PTPRK: variants seen among roughly 807,000 people sequenced by gnomAD.
The protein encoded by PTPRK is protein tyrosine phosphatase receptor type K, also known as receptor-type tyrosine-protein phosphatase kappa.
A neutral mutation model predicts 178.0 loss-of-function variants in PTPRK; 75 were observed. That is an observed-to-expected ratio of 0.42 (90% CI 0.35 to 0.51). The LOEUF is 0.51. Ranked by LOEUF, PTPRK falls within the 20% of genes least tolerant of loss-of-function variation. The pLI is 0.02. For synonymous variants in PTPRK, 637 were observed against 620.6 expected (o/e 1.03, Z -0.39); for missense variants, 1,441 against 1,797.8 (o/e 0.80, Z 3.59).
At chr6:128,038,857 T>C (rs947637404) in intron 13 of PTPRK, among the ~76,000 whole-genome samples, 1 of 152,174 alleles carries the variant, frequency 6.6e-6, no homozygotes, top group Non-Finnish European at 1.5e-5. Flanking sequence ...ATGCAACAAT[T>C]TTACAACAAG....
intron 13 of PTPRK, among the ~76,000 whole-genome samples, chr6:128,025,623 G>A (rs941235400): frequency 2.6e-5 from 4 of 152,148 alleles, no homozygotes; most frequent in Admixed American, 6.5e-5. Flanking sequence ...ACAGTTCTGG[G>A]AACTAGAGGG....
intron 1 of PTPRK, among the ~76,000 whole-genome samples, chr6:128,435,664 T>C (rs1431694062): frequency 6.6e-6 from 1 of 152,128 alleles, no homozygotes; most frequent in Non-Finnish European, 1.5e-5. Context: ...AGAGAAATGC[T>C]AACCCAAAGA....
chr6:128,209,182 G>A (rs1807602828), intron 6 of PTPRK, among the ~76,000 whole-genome samples: 2 of 151,766 alleles, frequency 1.3e-5, no homozygotes, highest in South Asian at 2.1e-4. Context: ...ACATCATCTG[G>A]TATCCTGGTT....
At chr6:128,431,090 C>G (rs548640136) in intron 1 of PTPRK, among the ~76,000 whole-genome samples, 2 of 151,980 alleles carry the variant, frequency 1.3e-5, no homozygotes, top group Non-Finnish European at 2.9e-5. Context: ...AGGCACCCAC[C>G]ACCATGCCCG....
intron 1 of PTPRK, among the ~76,000 whole-genome samples, chr6:128,481,862 T>C (rs948606060): frequency 1.3e-5 from 2 of 152,070 alleles, no homozygotes; most frequent in Non-Finnish European, 2.9e-5. Flanking sequence ...CAGGACTACA[T>C]AGACAACATT....
chr6:128,083,872 C>A, intron 8 of PTPRK, 48 bp from the exon 9 acceptor site: 4 of 1,018,452 alleles, frequency 3.9e-6, no homozygotes, highest in South Asian at 2.0e-5. Context: ...ACATTAGAAA[C>A]AGAAAAAGTA....
At chr6:128,258,273 T>C (rs1817646962) in intron 3 of PTPRK, among the ~76,000 whole-genome samples, 1 of 152,136 alleles carries the variant, frequency 6.6e-6, no homozygotes, top group Admixed American at 6.6e-5. Context: ...GACCAAAATA[T>C]AATGTTAAAT....
intron 2 of PTPRK, among the ~76,000 whole-genome samples, chr6:128,390,182 T>C (rs1239324286): frequency 2.0e-5 from 3 of 152,174 alleles, no homozygotes; most frequent in African/African-American, 7.2e-5. Flanking sequence ...TTTCAAACCC[T>C]AGACTTTAGT....
intron 7 of PTPRK, among the ~76,000 whole-genome samples, chr6:128,143,778 AT>A (rs1029822421): frequency 6.6e-6 from 1 of 152,046 alleles, no homozygotes; most frequent in African/African-American, 2.4e-5. Context: ...ACTCTCAGCT[AT>A]TTTTTCCCCT....
chr6:128,515,319 A>G (rs1857809816), intron 1 of PTPRK, among the ~76,000 whole-genome samples: 1 of 152,222 alleles, frequency 6.6e-6, no homozygotes, highest in Admixed American at 6.5e-5. Flanking sequence ...TTAATGTATT[A>G]TTCACTTACT....
chr6:128,461,480 TG>T (rs1425369423), intron 1 of PTPRK, among the ~76,000 whole-genome samples: 1 of 152,146 alleles, frequency 6.6e-6, no homozygotes, highest in Non-Finnish European at 1.5e-5. Context: ...CACATTGACC[TG>T]TTTTTTTTTC....
intron 7 of PTPRK, among the ~76,000 whole-genome samples, chr6:128,161,856 A>G (rs1798756057): frequency 6.6e-6 from 1 of 151,612 alleles, no homozygotes; most frequent in African/African-American, 2.4e-5. Flanking sequence ...AATAAAAATT[A>G]TCATTTATAC....
intron 7 of PTPRK, among the ~76,000 whole-genome samples, chr6:128,111,893 T>C (rs939145519): frequency 3.3e-5 from 5 of 152,088 alleles, no homozygotes; most frequent in Non-Finnish European, 5.9e-5. Context: ...TTTTTATATT[T>C]CCAGAACCTA....
intron 7 of PTPRK, among the ~76,000 whole-genome samples, chr6:128,123,387 C>T (rs1258584488): frequency 1.3e-5 from 2 of 152,104 alleles, no homozygotes; most frequent in Non-Finnish European, 2.9e-5. Flanking sequence ...GAAACTAATA[C>T]ACAACTTAGG....
Position 128,149,341 on chromosome 6 carries a change from A to G in PTPRK, c.1162+35091T>C, listed in dbSNP as rs191142967. Among the ~76,000 whole-genome samples, 862 of 152,148 alleles carry G rather than the reference A, an allele frequency of 5.7e-3. 7 individuals are homozygous for G. Among genetic ancestry groups the G allele is most frequent in the African/African-American group, 0.02 (810 of 41,478 alleles). On this transcript the variant is annotated intron_variant, in intron 7 of 29. Transcript: ENST00000368226. Reference sequence around the variant, plus strand: ...AAGAAAATATGGCATATCATGGTTAATGAAATAATAATAATATTGATAATT... The same window carrying G: ...AAGAAAATATGGCATATCATGGTTAGTGAAATAATAATAATATTGATAATT...
At chr6:127,992,581 C>G (rs1776732028) in intron 19 of PTPRK, 92 bp downstream of exon 19, 1 of 1,090,106 alleles carries the variant, frequency 9.2e-7, no homozygotes, top group Non-Finnish European at 1.3e-6. Context: ...TTTTTTGTTA[C>G]TAAGATAAAA....
rs545830714 is a variant in PTPRK at position 128,381,269 on chromosome 6, CTTGAGAAATAATAAACCTT to C, written c.223+16278_223+16296del. ...TAACTACATAAAAACAGTCTTAAGA[CTTGAGAAATAATAAACCTT>C]TTCCCAAACTATTTCCATACCTCAT... On this transcript the variant is annotated intron_variant, in intron 2 of 29. Transcript: ENST00000368226. Among the ~76,000 whole-genome samples, 14 of 152,244 alleles carry C rather than the reference CTTGAGAAATAATAAACCTT, an allele frequency of 9.2e-5. No individual in the cohort carries two copies. The East Asian group carries it at 2.7e-3, about 29-fold the overall frequency.
rs143305453 is a variant in PTPRK, at chr6:128,075,786, C to A, written c.1883+3027G>T. 5.9e-5 allele frequency among the ~76,000 whole-genome samples: 9 copies of A among 152,110 alleles called. No homozygotes were observed. The East Asian group carries it at 1.5e-3, about 26-fold the overall frequency. ...ATTTTCTAGTTGGTATGACAGAGGACTGTAGAACTGGAGTTTGTTTGATAT... is the reference window on the plus strand; with the variant it reads ...ATTTTCTAGTTGGTATGACAGAGGAATGTAGAACTGGAGTTTGTTTGATAT... On this transcript the variant is annotated intron_variant, in intron 11 of 29. Transcript: ENST00000368226.
intron 2 of PTPRK, among the ~76,000 whole-genome samples, chr6:128,361,964 C>T (rs1403619102): frequency 1.3e-5 from 2 of 152,136 alleles, no homozygotes; most frequent in East Asian, 3.9e-4. Flanking sequence ...ATGATACAAA[C>T]CAGATTTGCA....
Sources: allele counts gnomAD v4.1 joint callset (sites outside exome capture counted in the v4.1 genomes callset), GRCh38; gene constraint gnomAD v4.1.1; transcripts MANE v1.5; gene names NCBI Gene and HGNC (gene_info 2026-07-23, HGNC 2026-07-21).